Variants in PALM2AKAP2 observed in about 807,000 individuals in gnomAD.
PALM2AKAP2 encodes the protein PALM2-AKAP2 fusion protein.
In PALM2AKAP2, 37 loss-of-function variants were observed where a neutral mutation model predicts 71.5. The observed-to-expected ratio is 0.52, with a 90% CI of 0.40 to 0.68. The LOEUF is 0.68. Among genes scored for constraint, PALM2AKAP2 ranks in the 30% least tolerant of loss-of-function variants. PALM2AKAP2 has a pLI of 0.00. For synonymous variants in PALM2AKAP2, 468 were observed against 478.8 expected (o/e 0.98, Z 0.29); for missense variants, 1,224 against 1,191.8 (o/e 1.03, Z -0.40).
intron 1 of PALM2AKAP2, among the ~76,000 whole-genome samples, chr9:109,663,346 A>C (rs1827430536): frequency 6.6e-6 from 1 of 152,158 alleles, no homozygotes; most frequent in East Asian, 1.9e-4. Context: ...TTCCCTCTAC[A>C]CACTGCTTTA....
intron 1 of PALM2AKAP2, among the ~76,000 whole-genome samples, chr9:109,772,974 C>T (rs955073802): frequency 5.7e-4 from 87 of 152,226 alleles, no homozygotes; most frequent in Middle Eastern, 3.4e-3. Context: ...AAAAATTAGC[C>T]GGGTGTGGTG....
At chr9:109,896,215 A>G (rs1008084064) in intron 3 of PALM2AKAP2, among the ~76,000 whole-genome samples, 11 of 151,580 alleles carry the variant, frequency 7.3e-5, no homozygotes, top group Non-Finnish European at 1.0e-4. Context: ...AAAAGAAACC[A>G]TTAGATCTCA....
At chr9:109,680,152 TG>T (rs1827707396) in intron 1 of PALM2AKAP2, among the ~76,000 whole-genome samples, 1 of 152,244 alleles carries the variant, frequency 6.6e-6, no homozygotes, top group Non-Finnish European at 1.5e-5. Flanking sequence ...TGGCTACATC[TG>T]GGGCTGTCCA....
intron 1 of PALM2AKAP2, among the ~76,000 whole-genome samples, chr9:109,726,409 C>T (rs921518964): frequency 1.3e-4 from 20 of 152,286 alleles, no homozygotes; most frequent in Admixed American, 1.0e-3. Flanking sequence ...TCCTGTACTG[C>T]GTTCAGTGGT....
chr9:110,049,889 G>T (rs1326978373), intron 1 of PALM2AKAP2, among the ~76,000 whole-genome samples: 2 of 152,222 alleles, frequency 1.3e-5, no homozygotes, highest in African/African-American at 2.4e-5. Flanking sequence ...TCTCCAACGC[G>T]GATGCCAGGC....
At position 109,640,819 on chromosome 9, in the gene PALM2AKAP2, C is replaced by T. The variant is rs1587850676; in HGVS notation, c.-43C>T. 3 of 1,511,302 alleles carry T rather than the reference C, an allele frequency of 2.0e-6. No individual in the cohort carries two copies. In the African/African-American group the frequency reaches 4.3e-5, roughly 22 times the overall value. The allele number at this position is 1,511,302 out of a possible 1,614,324, so 93.6% of individuals were successfully genotyped here. On this transcript the variant is annotated 5_prime_UTR_variant, in exon 1 of 7. Transcript: ENST00000374531. ...TCGGCTCCGGGAGAGGCGAGCAGCG[C>T]CGGTGAGCCCCGCAGCAGCGCACCC...
At chr9:109,716,061 C>T (rs924787873) in intron 1 of PALM2AKAP2, among the ~76,000 whole-genome samples, 2 of 152,172 alleles carry the variant, frequency 1.3e-5, no homozygotes, top group Admixed American at 1.3e-4. Context: ...ATTCTTATCT[C>T]AGCCAAAGAA....
At chr9:109,936,092 AT>A (rs1330177610) in intron 6 of PALM2AKAP2, among the ~76,000 whole-genome samples, 5 of 152,196 alleles carry the variant, frequency 3.3e-5, no homozygotes, top group African/African-American at 1.2e-4. Flanking sequence ...GGGAGTTACA[AT>A]TTTTTATTGA....
At chr9:110,164,267 A>G (rs552125160) in intron 3 of PALM2AKAP2, among the ~76,000 whole-genome samples, 1 of 152,316 alleles carries the variant, frequency 6.6e-6, no homozygotes, top group South Asian at 2.1e-4. Flanking sequence ...TTCAATTTAA[A>G]AGCAGGTTGG....
chr9:109,678,172 C>T (rs964192916), intron 1 of PALM2AKAP2, among the ~76,000 whole-genome samples: 6 of 152,116 alleles, frequency 3.9e-5, no homozygotes, highest in African/African-American at 1.4e-4. Flanking sequence ...TCTGCATTTC[C>T]ACAATAAATA....
intron 3 of PALM2AKAP2, among the ~76,000 whole-genome samples, chr9:109,909,355 A>T (rs1179550331): frequency 6.6e-6 from 1 of 152,194 alleles, no homozygotes; most frequent in Admixed American, 6.5e-5. Flanking sequence ...TGTTCTTTTA[A>T]GATTCATTTT....
At chr9:109,831,861 A>AAAAATCT (rs1307531974) in intron 1 of PALM2AKAP2, among the ~76,000 whole-genome samples, 1 of 152,210 alleles carries the variant, frequency 6.6e-6, no homozygotes, top group South Asian at 2.1e-4. Flanking sequence ...AGTAGAAAAG[A>AAAAATCT]AAAATCTAAA....
intron 1 of PALM2AKAP2, among the ~76,000 whole-genome samples, chr9:110,122,343 T>C (rs1835507581): frequency 6.6e-6 from 1 of 152,232 alleles, no homozygotes; most frequent in African/African-American, 2.4e-5. Context: ...TCAGATTTTT[T>C]TCTTTTATTT....
intron 6 of PALM2AKAP2, among the ~76,000 whole-genome samples, chr9:110,003,772 A>C (rs1275071722): frequency 6.6e-6 from 1 of 152,034 alleles, no homozygotes; most frequent in Non-Finnish European, 1.5e-5. Flanking sequence ...TGATCCCTTT[A>C]CCATTATATA....
intron 1 of PALM2AKAP2, among the ~76,000 whole-genome samples, chr9:110,065,035 T>C (rs1834047660): frequency 6.6e-6 from 1 of 152,204 alleles, no homozygotes; most frequent in Non-Finnish European, 1.5e-5. Context: ...AGTGACAGCG[T>C]TGAATGGCTT....
intron 1 of PALM2AKAP2, among the ~76,000 whole-genome samples, chr9:109,735,878 T>C (rs1218132306): frequency 6.6e-6 from 1 of 152,218 alleles, no homozygotes; most frequent in Non-Finnish European, 1.5e-5. Flanking sequence ...TTGCCTTCTG[T>C]TTGTGTGCAA....
chr9:109,756,654 G>A (rs764463665), intron 1 of PALM2AKAP2, among the ~76,000 whole-genome samples: 4 of 152,106 alleles, frequency 2.6e-5, no homozygotes, highest in Non-Finnish European at 5.9e-5. Context: ...TGCCAGTTGT[G>A]GGATATGGAT....
rs181642108 is a variant in PALM2AKAP2 at position 109,882,248 on chromosome 9, T to G, written c.257+1567T>G. On this transcript the variant is annotated intron_variant, in intron 3 of 9. Transcript: ENST00000302798. ...CAGCCATTTATAACCAACAGCAAAT[T>G]AAGACTCTGAGGGCACCTGTAATAG... Among the ~76,000 whole-genome samples the G allele has an allele frequency of 4.6e-5, 7 of 152,254 alleles. No homozygotes were observed. The East Asian group carries it at 9.6e-4, about 21-fold the overall frequency.
chr9:109,912,683 A>G (rs1234260718), intron 3 of PALM2AKAP2, among the ~76,000 whole-genome samples: 1 of 152,094 alleles, frequency 6.6e-6, no homozygotes, highest in African/African-American at 2.4e-5. Context: ...GATAGGACAG[A>G]TAGATTGCTA....
Sources: allele counts gnomAD v4.1 joint callset (sites outside exome capture counted in the v4.1 genomes callset), GRCh38; gene constraint gnomAD v4.1.1; transcripts MANE v1.5; gene names NCBI Gene and HGNC (gene_info 2026-07-23, HGNC 2026-07-21).